Variants in ROCK2 observed in about 807,000 individuals in gnomAD.
ROCK2 encodes the protein Rho associated coiled-coil containing protein kinase 2.
A neutral mutation model predicts 195.1 loss-of-function variants in ROCK2; 61 were observed. That is an observed-to-expected ratio of 0.31 (90% CI 0.25 to 0.39). The LOEUF (loss-of-function observed/expected upper bound fraction) is 0.39, where lower values mean the gene tolerates loss of function less well. ROCK2 is among the 10% of genes least tolerant of loss of function. ROCK2 has a pLI of 1.00. For missense variants in ROCK2, 1,109 were observed against 1,637.4 expected (o/e 0.68, Z 5.57); for synonymous variants, 504 against 545.5 (o/e 0.92, Z 1.06).
At chr2:11,287,538 T>G (rs1667237572) in intron 2 of ROCK2, 117 bp downstream of exon 2, 1 of 377,788 alleles carries the variant, frequency 2.6e-6, no homozygotes, top group South Asian at 1.4e-4. Flanking sequence ...GCAAAAGACT[T>G]AAGTTTAATA....
At chr2:11,324,604 A>G (rs1161862742) in intron 1 of ROCK2, among the ~76,000 whole-genome samples, 1 of 152,230 alleles carries the variant, frequency 6.6e-6, no homozygotes, top group African/African-American at 2.4e-5. Flanking sequence ...ACTAAAAAGA[A>G]ATGAGCTATC....
At chr2:11,188,027 T>A (rs1558273270) in intron 32 of ROCK2, among the ~76,000 whole-genome samples, 1 of 152,098 alleles carries the variant, frequency 6.6e-6, no homozygotes, top group East Asian at 1.9e-4. Flanking sequence ...TCTGCATGCA[T>A]TAAATACTGC....
intron 1 of ROCK2, among the ~76,000 whole-genome samples, chr2:11,342,297 T>A (rs777898360): frequency 6.6e-6 from 1 of 152,220 alleles, no homozygotes; most frequent in Non-Finnish European, 1.5e-5. Context: ...TTGGCTGTAA[T>A]AACTGCTAAA....
chr2:11,265,954 C>T (rs1310421959), intron 3 of ROCK2, among the ~76,000 whole-genome samples: 1 of 151,638 alleles, frequency 6.6e-6, no homozygotes, highest in Non-Finnish European at 1.5e-5. Flanking sequence ...AAATTCAAAA[C>T]TAGCCATGTA....
intron 18 of ROCK2, 146 bp downstream of exon 18, chr2:11,211,535 G>T: frequency 1.5e-6 from 1 of 679,836 alleles, no homozygotes; most frequent in Non-Finnish European, 2.3e-6. Context: ...GAATATCTAT[G>T]TAAAGCTTCC....
intron 1 of ROCK2, among the ~76,000 whole-genome samples, chr2:11,314,107 T>C (rs746496543): frequency 1.3e-5 from 2 of 151,856 alleles, no homozygotes; most frequent in Non-Finnish European, 3.0e-5. Flanking sequence ...CTATTAAAAA[T>C]AAGGTAGATT....
chr2:11,208,845 G>A (rs931781340), intron 18 of ROCK2, among the ~76,000 whole-genome samples: 2 of 151,902 alleles, frequency 1.3e-5, no homozygotes, highest in African/African-American at 2.4e-5. Flanking sequence ...CACCCGCCTC[G>A]GCCACCCAAA....
At chr2:11,322,613 T>C (rs1407862522) in intron 1 of ROCK2, among the ~76,000 whole-genome samples, 1 of 152,170 alleles carries the variant, frequency 6.6e-6, no homozygotes, top group African/African-American at 2.4e-5. Flanking sequence ...TTTATACTAC[T>C]CTATTTATAG....
At chr2:11,271,032 T>C (rs1666609291) in intron 3 of ROCK2, among the ~76,000 whole-genome samples, 1 of 152,220 alleles carries the variant, frequency 6.6e-6, no homozygotes, top group South Asian at 2.1e-4. Context: ...TTCTATAGTC[T>C]TATGATTAGG....
chr2:11,187,073 C>T (rs564162696), intron 32 of ROCK2, among the ~76,000 whole-genome samples: 2 of 152,182 alleles, frequency 1.3e-5, no homozygotes, highest in East Asian at 3.9e-4. Flanking sequence ...TACCAGCAGT[C>T]CACAAAAGTA....
At position 11,215,774 on chromosome 2, in the gene ROCK2, GTAA is replaced by G. The variant is rs1664405248; in HGVS notation, c.1462-132_1462-130del. On this transcript the variant is annotated intron_variant, in intron 13 of 32. Coordinates refer to ENST00000315872, the MANE Select transcript of ROCK2 (RefSeq NM_004850.5). Reference sequence around the variant, plus strand: ...CTTTCACTGCTTTTTTGTTAAAACTGTAATAATGCTTTCTATGATTGTAAACTA... The same window carrying G: ...CTTTCACTGCTTTTTTGTTAAAACTGTAATGCTTTCTATGATTGTAAACTA... 1.0e-5 allele frequency: 7 copies of G among 700,328 alleles called. No individual in the cohort carries two copies. The East Asian group carries it at 2.0e-4, about 20-fold the overall frequency. 43.4% of individuals were successfully genotyped at this position (700,328 alleles called of 1,614,324 possible). A position where few individuals can be genotyped will look rare whatever the true frequency, so the allele number is the denominator to read the frequency against.
At chr2:11,285,542 G>A (rs891767627) in intron 3 of ROCK2, among the ~76,000 whole-genome samples, 2 of 151,964 alleles carry the variant, frequency 1.3e-5, no homozygotes, top group African/African-American at 4.8e-5. Context: ...AACCTATCAA[G>A]AAAGGCACAG....
At chr2:11,257,391 T>C (rs1055738876) in intron 3 of ROCK2, among the ~76,000 whole-genome samples, 2 of 151,492 alleles carry the variant, frequency 1.3e-5, no homozygotes, top group African/African-American at 2.5e-5. Flanking sequence ...TGTCAGGTGG[T>C]TGAAGATTAC....
Position 11,252,039 on chromosome 2 carries a change from T to C in ROCK2, c.325-2241A>G, listed in dbSNP as rs144810424. On this transcript the variant is annotated intron_variant, in intron 3 of 32. Transcript: ENST00000315872. Reference sequence around the variant, plus strand: ...AGATGCTGGAGAGGATGTGGAGAAATAGAACACCTTTATGCTGTTGGTGGG... The same window carrying C: ...AGATGCTGGAGAGGATGTGGAGAAACAGAACACCTTTATGCTGTTGGTGGG... 2.1e-4 allele frequency among the ~76,000 whole-genome samples: 32 copies of C among 152,122 alleles called. No homozygotes were observed. The East Asian group carries it at 5.4e-3, about 26-fold the overall frequency.
intron 1 of ROCK2, among the ~76,000 whole-genome samples, chr2:11,300,980 GA>G (rs1211259286): frequency 1.3e-5 from 2 of 151,840 alleles, no homozygotes; most frequent in Non-Finnish European, 2.9e-5. Context: ...ATTTCAGGAG[GA>G]AAAAAAACTT....
chr2:11,337,338 T>C lies in ROCK2; in HGVS notation c.141+6658A>G, dbSNP rs1474496337. Among the ~76,000 whole-genome samples the C allele has an allele frequency of 2.0e-5, 3 of 151,736 alleles. No homozygotes were observed. In the East Asian group the frequency reaches 5.8e-4, roughly 29 times the overall value. ...TATTTGACAAAGAGTGTTCTCTTTA[T>C]ATACAAAAGAACTTCTAAGATTCAA... On this transcript the variant is annotated intron_variant, in intron 1 of 32. Transcript: ENST00000315872.
chr2:11,296,009 A>AGGG (rs1483694459), intron 1 of ROCK2, among the ~76,000 whole-genome samples: 3 of 101,346 alleles, frequency 3.0e-5, no homozygotes, highest in African/African-American at 8.4e-5. Context: ...GAGAGAGGAG[A>AGGG]GAGAGAGAGA....
At chr2:11,258,096 A>G (rs1476956404) in intron 3 of ROCK2, among the ~76,000 whole-genome samples, 1 of 151,242 alleles carries the variant, frequency 6.6e-6, no homozygotes, top group Non-Finnish European at 1.5e-5. Flanking sequence ...ATAAAAGCAC[A>G]TGGAATCTCC....
At position 11,235,062 on chromosome 2, in the gene ROCK2, C is replaced by T. The variant is rs572233306; in HGVS notation, c.723+640G>A. Among the ~76,000 whole-genome samples the T allele has an allele frequency of 1.8e-4, 27 of 152,160 alleles. No homozygotes were observed. Among genetic ancestry groups the T allele is most frequent in the African/African-American group, 6.0e-4 (25 of 41,524 alleles). On this transcript the variant is annotated intron_variant, in intron 5 of 32. Transcript: ENST00000315872. The surrounding 1 kb of genome is among the most constrained non-coding windows in gnomAD (Gnocchi z 4.2). ...CAGGGTAATACAAAGGAAACAGAAC[C>T]GATCCCTCTCCATCAAGAATTACTT... is the stretch of plus-strand genomic sequence containing the variant.
Sources: gnomAD v4.1 joint callset for allele counts (sites outside exome capture counted in the v4.1 genomes callset) on GRCh38, gnomAD v4.1.1 for gene constraint, Gnocchi (gnomAD v3.1) non-coding constraint, MANE v1.5 for transcripts, NCBI Gene and HGNC (gene_info 2026-07-23, HGNC 2026-07-21) for gene names.